Variants in SAMD4B observed in about 807,000 individuals in gnomAD.
SAMD4B encodes the protein protein Smaug homolog 2.
SAMD4B carries 5 observed loss-of-function variants against 74.5 expected under a neutral mutation model. The observed-to-expected ratio is 0.07, with a 90% CI of 0.04 to 0.14. SAMD4B has a LOEUF of 0.14. SAMD4B is among the 10% of genes least tolerant of loss of function. The probability of loss-of-function intolerance (pLI) is 1.00; values close to 1 mark genes in which losing one functional copy is unlikely to be tolerated. For synonymous variants in SAMD4B, 373 were observed against 374.9 expected, an observed-to-expected ratio of 1.00 and a Z score of 0.06; for missense variants, 608 against 921.8, an observed-to-expected ratio of 0.66 and a Z score of 4.41.
intron 3 of SAMD4B, chr19:39,369,424 G>C: frequency 1.8e-6 from 1 of 549,032 alleles, no homozygotes. Context: ...CTGCAGCCTG[G>C]GCAACATAGT....
chr19:39,364,340 A>G (rs2076826861), intron 3 of SAMD4B, among the ~76,000 whole-genome samples: 1 of 152,148 alleles, frequency 6.6e-6, no homozygotes, highest in Non-Finnish European at 1.5e-5. Context: ...GTAGGGCTGG[A>G]GGGGCAGGCT....
rs568912075 is a variant in SAMD4B, at chr19:39,351,247, G to A, written c.-266-2759G>A. 5.7e-3 allele frequency: 869 copies of A among 152,520 alleles called. 12 individuals carry two copies. Among genetic ancestry groups the A allele is most frequent in the Non-Finnish European group, 5.4e-3 (371 of 68,182 alleles). 9.4% of individuals were successfully genotyped at this position (152,520 alleles called of 1,614,324 possible). A position where few individuals can be genotyped will look rare whatever the true frequency, so the allele number is the denominator to read the frequency against. ...GATCCACCCGCCCATGCCTCCCAGA[G>A]TGCTGGGATTACAGGCGTGAGCCAC... On this transcript the variant is annotated intron_variant, in intron 1 of 13. Coordinates refer to ENST00000610417, the MANE Select transcript of SAMD4B (RefSeq NM_001384574.2).
chr19:39,355,635 A>C (rs549688148), intron 2 of SAMD4B, among the ~76,000 whole-genome samples: 2 of 152,310 alleles, frequency 1.3e-5, no homozygotes, highest in South Asian at 4.1e-4. Flanking sequence ...TTGAGTGGAG[A>C]TCTGGAGCTC....
chr19:39,362,958 A>G (rs1300743206), intron 3 of SAMD4B, among the ~76,000 whole-genome samples: 1 of 151,970 alleles, frequency 6.6e-6, no homozygotes, highest in East Asian at 1.9e-4. Flanking sequence ...ACAGTTCATC[A>G]AACAAAAATG....
intron 1 of SAMD4B, among the ~76,000 whole-genome samples, chr19:39,347,845 G>T (rs1893319710): frequency 6.6e-6 from 1 of 152,188 alleles, no homozygotes; most frequent in South Asian, 2.1e-4. Context: ...ATTAATGCAT[G>T]GAGGCACTAT....
chr19:39,353,460 T>C (rs1353834707), intron 1 of SAMD4B, among the ~76,000 whole-genome samples: 2 of 152,188 alleles, frequency 1.3e-5, no homozygotes, highest in East Asian at 3.8e-4. Context: ...TAAATATTCA[T>C]ATATAAGATA....
chr19:39,377,615 A>G lies in SAMD4B; in HGVS notation c.1235A>G (p.Asp412Gly), dbSNP rs773636137. 1 of 1,613,950 alleles carries G rather than the reference A, an allele frequency of 6.2e-7. No individual in the cohort carries two copies. Residue 412 changes from aspartate to glycine, a missense_variant, in exon 8 of 14, where the codon GAT becomes GGT. Physicochemically the swap from Asp to Gly is moderately conservative, Grantham distance 94. Coordinates refer to ENST00000610417, the MANE Select transcript of SAMD4B (RefSeq NM_001384574.2). ...AAATTTPTAKDGAPGEPPLPG... is the reference protein window; with the variant it reads ...AAATTTPTAKGGAPGEPPLPG... ...GCCACCACCACCCCTACTGCCAAGG[A>G]TGGGGCCCCGGGGGAACCACCGCTG...
At chr19:39,386,118 C>T, downstream of SAMD4B, 1 of 1,614,076 alleles carries the variant, frequency 6.2e-7, no homozygotes, top group South Asian at 1.1e-5. This position sits in a 1 kb window ranked among gnomAD's most constrained non-coding sequence, Gnocchi z 6.1. Flanking sequence ...GCTCCGCTGG[C>T]CACCCCCATT....
chr19:39,368,507 A>T (rs1036701838), intron 3 of SAMD4B, among the ~76,000 whole-genome samples: 3 of 152,094 alleles, frequency 2.0e-5, no homozygotes, highest in African/African-American at 4.8e-5. Flanking sequence ...CTTTATCTGG[A>T]GGAATGGGAG....
chr19:39,353,816 G>A (rs1475065636), intron 1 of SAMD4B, among the ~76,000 whole-genome samples, 190 bp from the exon 2 acceptor site: 2 of 152,178 alleles, frequency 1.3e-5, no homozygotes, highest in African/African-American at 2.4e-5. Flanking sequence ...TGGCCAGGCT[G>A]GTCTCAAACT....
At chr19:39,370,536 G>C (rs554257686) in intron 4 of SAMD4B, among the ~76,000 whole-genome samples, 37 of 152,270 alleles carry the variant, frequency 2.4e-4, no homozygotes, top group African/African-American at 8.7e-4. Context: ...GCCCTAGTCT[G>C]CCTCTGCTCC....
chr19:39,389,683 G>A, downstream of SAMD4B: 1 of 1,614,170 alleles, frequency 6.2e-7, no homozygotes, highest in Non-Finnish European at 8.5e-7. The surrounding 1 kb of genome is among the most constrained non-coding windows in gnomAD (Gnocchi z 5.3). Flanking sequence ...TGAGATCGAT[G>A]GTGACCCCCA....
chr19:39,346,768 T>C (rs1396159682), intron 1 of SAMD4B, among the ~76,000 whole-genome samples: 1 of 152,172 alleles, frequency 6.6e-6, no homozygotes, highest in Non-Finnish European at 1.5e-5. Context: ...ATGCAGACCC[T>C]GGGTCTGGAC....
chr19:39,378,498 C>T lies in SAMD4B; in HGVS notation c.1445-6C>T, dbSNP rs2077740074. 6.2e-7 allele frequency: 1 copy of T among 1,613,744 alleles called. No homozygotes were observed. Among genetic ancestry groups the T allele is most frequent in the South Asian group, 1.1e-5 (1 of 91,076 alleles). On this transcript the variant is annotated splice_region_variant and splice_polypyrimidine_tract_variant and intron_variant, in intron 8 of 13. Transcript: ENST00000610417. This position sits in a 1 kb window ranked among gnomAD's most constrained non-coding sequence, Gnocchi z 4.4. Reference sequence around the variant, plus strand: ...TAACCTCCTGCCCTTTCTCATGTCCCCCCAGTGTGCACCCAACTGCTGGTG... The same window carrying T: ...TAACCTCCTGCCCTTTCTCATGTCCTCCCAGTGTGCACCCAACTGCTGGTG...
chr19:39,359,773 A>G (rs955390199), intron 3 of SAMD4B: 2 of 152,240 alleles, frequency 1.3e-5, no homozygotes, highest in African/African-American at 4.8e-5. Flanking sequence ...ACTCTTCCAC[A>G]TGGTACATGT....
chr19:39,344,982 G>A (rs2075606645), intron 1 of SAMD4B, among the ~76,000 whole-genome samples: 3 of 152,110 alleles, frequency 2.0e-5, no homozygotes, highest in African/African-American at 7.2e-5. Flanking sequence ...CCCTATAGCA[G>A]TGGTTCTCAG....
chr19:39,388,362 A>G, downstream of SAMD4B: 5 of 1,614,096 alleles, frequency 3.1e-6, no homozygotes, highest in Non-Finnish European at 4.2e-6. Context: ...CATTGTAGTA[A>G]ACCCCGTCAC....
chr19:39,384,432 C>G lies in SAMD4B; in HGVS notation c.*905C>G, dbSNP rs1339180235. ...CGTCCCCTTCCCCACGAACACACAC[C>G]CTTCTCCGCTCCCAGGTCTGGTTGG... On this transcript the variant is annotated 3_prime_UTR_variant, in exon 14 of 14. Transcript: ENST00000610417. The G allele has an allele frequency of 1.3e-5, 2 of 152,656 alleles. No individual in the cohort carries two copies. The highest frequency in any genetic ancestry group is 3.9e-4 in the East Asian group (2 of 5,190). 9.5% of individuals were successfully genotyped at this position (152,656 alleles called of 1,614,324 possible). A position where few individuals can be genotyped will look rare whatever the true frequency, so the allele number is the denominator to read the frequency against.
Position 39,378,725 on chromosome 19 carries a change from G to T in SAMD4B, c.1530+136G>T. ...GATCGAGACCATCCTGGCTAACACA[G>T]TGAAACCCAGTCTTTACTAAAAATA... On this transcript the variant is annotated intron_variant, in intron 9 of 13. Transcript: ENST00000610417. This position sits in a 1 kb window ranked among gnomAD's most constrained non-coding sequence, Gnocchi z 4.4. The T allele has an allele frequency of 1.6e-6, 1 of 636,704 alleles. No homozygotes were observed. The highest frequency in any genetic ancestry group is 2.7e-6 in the Non-Finnish European group (1 of 368,246). 39.4% of individuals were successfully genotyped at this position (636,704 alleles called of 1,614,324 possible). A position where few individuals can be genotyped will look rare whatever the true frequency, so the allele number is the denominator to read the frequency against.
Sources: gnomAD v4.1 joint callset for allele counts (sites outside exome capture counted in the v4.1 genomes callset) on GRCh38, gnomAD v4.1.1 for gene constraint, Gnocchi (gnomAD v3.1) non-coding constraint, MANE v1.5 for transcripts, NCBI Gene and HGNC (gene_info 2026-07-23, HGNC 2026-07-21) for gene names.